DLAT: variants seen among roughly 807,000 people sequenced by gnomAD.
DLAT encodes dihydrolipoamide S-acetyltransferase.
Under a neutral mutation model 68.0 loss-of-function variants are expected in DLAT, and 43 were observed. That is an observed-to-expected ratio of 0.63 (90% CI 0.50 to 0.81). The LOEUF (loss-of-function observed/expected upper bound fraction) is 0.81. Among genes scored for constraint, DLAT ranks in the 40% least tolerant of loss-of-function variants. DLAT has a pLI of 0.00. For synonymous variants in DLAT, 265 were observed against 288.6 expected, an observed-to-expected ratio of 0.92 and a Z score of 0.83; for missense variants, 745 against 815.4, an observed-to-expected ratio of 0.91 and a Z score of 1.05.
At chr11:112,050,908 A>G (rs1288319031) in intron 10 of DLAT, among the ~76,000 whole-genome samples, 1 of 152,238 alleles carries the variant, frequency 6.6e-6, no homozygotes, top group African/African-American at 2.4e-5. Context: ...AAGATGAAAG[A>G]ACCAATGTTT....
chr11:112,048,628 G>A (rs781921970), intron 10 of DLAT, among the ~76,000 whole-genome samples: 12 of 152,058 alleles, frequency 7.9e-5, no homozygotes, highest in Non-Finnish European at 4.4e-5. Context: ...CCACCTTCCA[G>A]GTTCAAGCAA....
At chr11:112,053,873 C>T (rs1555182224) in intron 11 of DLAT, among the ~76,000 whole-genome samples, 1 of 152,030 alleles carries the variant, frequency 6.6e-6, no homozygotes, top group Non-Finnish European at 1.5e-5. Flanking sequence ...TGACTGACTC[C>T]CCGTTAAAGA....
intron 1 of DLAT, among the ~76,000 whole-genome samples, 156 bp from the exon 2 acceptor site, chr11:112,026,042 C>T (rs1338063615): frequency 2.0e-5 from 3 of 152,218 alleles, no homozygotes; most frequent in African/African-American, 7.2e-5. Context: ...AAATTACTAA[C>T]TTCTCATGGA....
At chr11:112,038,719 G>C (rs983204212) in intron 6 of DLAT, among the ~76,000 whole-genome samples, 4 of 151,536 alleles carry the variant, frequency 2.6e-5, no homozygotes, top group African/African-American at 9.7e-5. Context: ...GGTGGTGCGT[G>C]CCTTTAATCC....
chr11:112,025,415 T>G lies in DLAT; in HGVS notation c.-58T>G, dbSNP rs1236350842. 3.2e-6 allele frequency: 5 copies of G among 1,573,818 alleles called. No individual in the cohort carries two copies. Among genetic ancestry groups the G allele is most frequent in the Non-Finnish European group, 4.3e-6 (5 of 1,165,042 alleles). On this transcript the variant is annotated 5_prime_UTR_variant, in exon 1 of 14. Coordinates refer to ENST00000280346, the MANE Select transcript of DLAT (RefSeq NM_001931.5). Reference sequence around the variant, plus strand: ...GTGGCTGACGGCAACGCCGCTGCTCTTGGAGAGGTCACTCCGGAGACGGCG... The same window carrying G: ...GTGGCTGACGGCAACGCCGCTGCTCGTGGAGAGGTCACTCCGGAGACGGCG...
Position 112,045,922 on chromosome 11 carries a change from C to G in DLAT, c.1350C>G (p.Ile450Met), listed in dbSNP as rs587724011. Reference sequence around the variant, plus strand: ...CCATACCTCATTATTACCTTTCTATCGATGTAAATATGGGAGAAGTTTTGT... The same window carrying G: ...CCATACCTCATTATTACCTTTCTATGGATGTAAATATGGGAGAAGTTTTGT... ...KQTIPHYYLSIDVNMGEVLLV... is the reference protein window; with the variant it reads ...KQTIPHYYLSMDVNMGEVLLV... The change falls in exon 10 of 14, where the codon ATC becomes ATG. Residue 450 changes from isoleucine (I) to methionine (M), a missense_variant. Coordinates refer to ENST00000280346, the MANE Select transcript of DLAT (RefSeq NM_001931.5). 3.1e-6 allele frequency: 5 copies of G among 1,611,944 alleles called. No homozygotes were observed. The South Asian group carries it at 3.3e-5, about 11-fold the overall frequency.
At chr11:112,032,841 G>A (rs948201921) in intron 4 of DLAT, among the ~76,000 whole-genome samples, 2 of 152,130 alleles carry the variant, frequency 1.3e-5, no homozygotes, top group South Asian at 2.1e-4. Flanking sequence ...CAGGGCGGGC[G>A]GATTACTTGT....
In DLAT at chr11:112,051,267, G is replaced by A; in HGVS notation, c.1432G>A (p.Asp478Asn). 1 of 1,613,020 alleles carries A rather than the reference G, an allele frequency of 6.2e-7. No individual in the cohort carries two copies. Among genetic ancestry groups the A allele is most frequent in the Non-Finnish European group, 8.5e-7 (1 of 1,179,914 alleles). Residue 478 changes from aspartate to asparagine, a missense_variant, in exon 11 of 14, where the codon GAC becomes AAC. Physicochemically the swap from Asp to Asn is conservative, Grantham distance 23. Transcript: ENST00000280346. The surrounding 1 kb of genome is among the most constrained non-coding windows in gnomAD (Gnocchi z 4.3). ...LEGRSKISVN[D>N]FIIKASALAC... ...AGGGAGAAGCAAAATTTCTGTCAAT[G>A]ACTTCATCATAAAAGCTTCAGCTTT...
intron 11 of DLAT, among the ~76,000 whole-genome samples, chr11:112,058,620 G>GGT (rs1218434770): frequency 1.8e-4 from 23 of 130,078 alleles, no homozygotes; most frequent in African/African-American, 5.9e-4. Flanking sequence ...GGGGGAAGGG[G>GGT]GGGGTGGGGG....
rs782415236 is a variant in DLAT, at chr11:112,062,708, C to T, written c.*173C>T. On this transcript the variant is annotated 3_prime_UTR_variant, in exon 14 of 14. Transcript: ENST00000280346. ...TACTGAATTTTTAAAATGCCGATTA[C>T]ACCCAAATATTGTGCACATTTAATA... 16 of 714,268 alleles carry T rather than the reference C, an allele frequency of 2.2e-5. No homozygotes were observed. Among genetic ancestry groups the T allele is most frequent in the Non-Finnish European group, 3.2e-5 (14 of 437,900 alleles). The allele number at this position is 714,268 out of a possible 1,614,324, so 44.2% of individuals were successfully genotyped here.
intron 9 of DLAT, 87 bp downstream of exon 9, chr11:112,045,317 G>C: frequency 8.9e-7 from 1 of 1,126,288 alleles, no homozygotes; most frequent in Non-Finnish European, 1.3e-6. Context: ...CACATTAACA[G>C]AGGCTTTTTA....
intron 11 of DLAT, among the ~76,000 whole-genome samples, chr11:112,052,934 TC>T (rs1863744683): frequency 6.6e-6 from 1 of 152,076 alleles, no homozygotes; most frequent in East Asian, 1.9e-4. Flanking sequence ...CAAAACATAC[TC>T]CTATCACTCA....
intron 10 of DLAT, among the ~76,000 whole-genome samples, chr11:112,047,137 G>A (rs987761725): frequency 1.3e-5 from 2 of 152,178 alleles, no homozygotes; most frequent in Admixed American, 1.3e-4. Context: ...GTTGTTTCCT[G>A]ACTTTTTAGT....
chr11:112,063,353 G>A lies in DLAT; in HGVS notation c.*818G>A, dbSNP rs1237219115. ...TAAAATTTTCTAAGATTAACTGGTA[G>A]TTCATTGTAAATGAACATAATGAAC... On this transcript the variant is annotated 3_prime_UTR_variant, in exon 14 of 14. Transcript: ENST00000280346. The A allele has an allele frequency of 6.6e-6, 1 of 152,430 alleles. No homozygotes were observed. The highest frequency in any genetic ancestry group is 2.4e-5 in the African/African-American group (1 of 41,440). 9.4% of individuals were successfully genotyped at this position (152,430 alleles called of 1,614,324 possible).
chr11:112,051,039 GAGGGAAA>G lies in DLAT; in HGVS notation c.1399-194_1399-188del, dbSNP rs1290618166. ...AATTTAGAAACTACAGTTGTCCGGG[GAGGGAAA>G]GCATTAGGAAAAATAGCTGATGCAT... On this transcript the variant is annotated intron_variant, in intron 10 of 13. Transcript: ENST00000280346. The surrounding 1 kb of genome is among the most constrained non-coding windows in gnomAD (Gnocchi z 4.3). Among the ~76,000 whole-genome samples the G allele has an allele frequency of 1.7e-4, 26 of 152,256 alleles. No homozygotes were observed. The highest frequency in any genetic ancestry group is 6.3e-4 in the African/African-American group (26 of 41,544).
intron 10 of DLAT, among the ~76,000 whole-genome samples, chr11:112,049,924 A>G (rs1863520610): frequency 6.6e-6 from 1 of 152,204 alleles, no homozygotes; most frequent in Non-Finnish European, 1.5e-5. Context: ...CCTCTAGGCA[A>G]TGTTGAATAG....
chr11:112,027,892 A>G (rs1862158939), intron 2 of DLAT, among the ~76,000 whole-genome samples: 1 of 115,704 alleles, frequency 8.6e-6, no homozygotes, highest in Admixed American at 8.4e-5. Flanking sequence ...AGACCGTGGA[A>G]AGAGAGGGAG....
At chr11:112,033,289 G>A (rs1361411119) in intron 4 of DLAT, 115 bp from the exon 5 acceptor site, 2 of 1,311,914 alleles carry the variant, frequency 1.5e-6, no homozygotes, top group African/African-American at 2.9e-5. Context: ...TTGCTGTGGT[G>A]AGTATTTGGA....
rs1555181939 is a variant in DLAT, at chr11:112,051,198, A to G, written c.1399-36A>G. On this transcript the variant is annotated intron_variant, in intron 10 of 13. Coordinates refer to ENST00000280346, the MANE Select transcript of DLAT (RefSeq NM_001931.5). The surrounding 1 kb of genome is among the most constrained non-coding windows in gnomAD (Gnocchi z 4.3). ...AAACTTAAAATTAAAATTAAAATTA[A>G]AAAAGAAGAAACTACAGTTCTTCTT... is the stretch of plus-strand genomic sequence containing the variant. 7.2e-7 allele frequency: 1 copy of G among 1,387,688 alleles called. No homozygotes were observed. Among genetic ancestry groups the G allele is most frequent in the Admixed American group, 1.9e-5 (1 of 53,766 alleles). 86.0% of individuals were successfully genotyped at this position (1,387,688 alleles called of 1,614,324 possible). A position where few individuals can be genotyped will look rare whatever the true frequency, so the allele number is the denominator to read the frequency against.
Sources: gnomAD v4.1 joint callset for allele counts (sites outside exome capture counted in the v4.1 genomes callset) on GRCh38, gnomAD v4.1.1 for gene constraint, Gnocchi (gnomAD v3.1) non-coding constraint, MANE v1.5 for transcripts, NCBI Gene and HGNC (gene_info 2026-07-23, HGNC 2026-07-21) for gene names.